FAM13C: variants seen among roughly 807,000 people sequenced by gnomAD.
FAM13C encodes the protein family with sequence similarity 13 member C.
A neutral mutation model predicts 73.2 loss-of-function variants in FAM13C; 37 were observed. That is an observed-to-expected ratio of 0.51 (90% CI 0.39 to 0.67). FAM13C has a LOEUF of 0.67. Among genes scored for constraint, FAM13C ranks in the 30% least tolerant of loss-of-function variants. FAM13C has a pLI of 0.00. For missense variants in FAM13C, 589 were observed against 715.6 expected (o/e 0.82, Z 2.02); for synonymous variants, 246 against 260.9 (o/e 0.94, Z 0.55).
rs919375511 is a variant in FAM13C, at chr10:59,270,296, T to G, written c.593-187A>C. The G allele has an allele frequency of 1.3e-5, 8 of 619,878 alleles. No individual in the cohort carries two copies. In the African/African-American group the frequency reaches 1.3e-4, roughly 10 times the overall value. The allele number at this position is 619,878 out of a possible 1,614,324, so 38.4% of individuals were successfully genotyped here. On this transcript the variant is annotated intron_variant, in intron 6 of 13. Transcript: ENST00000618804. ...TCTCACAGAACCTGGACAGAAAATA[T>G]TACAAAGCTGTTAACAAAACAAAGG... is the stretch of plus-strand genomic sequence containing the variant.
intron 3 of FAM13C, among the ~76,000 whole-genome samples, chr10:59,332,183 A>C (rs1852079249): frequency 6.6e-6 from 1 of 152,150 alleles, no homozygotes; most frequent in South Asian, 2.1e-4. Flanking sequence ...AATAATGTAT[A>C]TATAGTAAGA....
chr10:59,322,978 AG>A (rs1850526146), intron 4 of FAM13C, among the ~76,000 whole-genome samples: 1 of 152,352 alleles, frequency 6.6e-6, no homozygotes, highest in African/African-American at 2.4e-5. Flanking sequence ...TGGATAGGGA[AG>A]CACCTTACCT....
At chr10:59,330,040 T>G (rs1764091150) in intron 3 of FAM13C, among the ~76,000 whole-genome samples, 1 of 152,208 alleles carries the variant, frequency 6.6e-6, no homozygotes, top group South Asian at 2.1e-4. Context: ...ATTGAGTATT[T>G]CCATTCACCA....
intron 10 of FAM13C, 117 bp from the exon 11 acceptor site, chr10:59,254,560 T>C: frequency 4.6e-6 from 2 of 437,778 alleles, no homozygotes. Flanking sequence ...GCAGCAGTTA[T>C]CATGAAAAGG....
chr10:59,263,304 T>C (rs1200172938), intron 9 of FAM13C, among the ~76,000 whole-genome samples: 1 of 152,210 alleles, frequency 6.6e-6, no homozygotes, highest in Non-Finnish European at 1.5e-5. Flanking sequence ...GGCATTTATA[T>C]TGATTTCTCA....
At chr10:59,249,964 C>T (rs764158039) in intron 13 of FAM13C, among the ~76,000 whole-genome samples, 21 of 152,176 alleles carry the variant, frequency 1.4e-4, no homozygotes, top group Non-Finnish European at 2.4e-4. Context: ...GGGAAGTTCT[C>T]AAACCCCTTA....
At chr10:59,274,665 C>A (rs546027618) in intron 6 of FAM13C, among the ~76,000 whole-genome samples, 1 of 152,210 alleles carries the variant, frequency 6.6e-6, no homozygotes, top group Non-Finnish European at 1.5e-5. Flanking sequence ...CCCAGATTCT[C>A]GTCCCAGTTT....
intron 2 of FAM13C, among the ~76,000 whole-genome samples, chr10:59,353,558 C>T (rs912963301): frequency 6.6e-6 from 1 of 152,048 alleles, no homozygotes; most frequent in African/African-American, 2.4e-5. Flanking sequence ...CTCAAGGACA[C>T]CTAAAGCCAA....
intron 3 of FAM13C, among the ~76,000 whole-genome samples, chr10:59,334,911 A>T (rs563665179): frequency 1.4e-4 from 22 of 152,322 alleles, no homozygotes; most frequent in East Asian, 5.8e-4. Context: ...ATAATAATTT[A>T]AAAAAGACTT....
chr10:59,267,916 C>A (rs1239659012), intron 8 of FAM13C, among the ~76,000 whole-genome samples: 2 of 152,154 alleles, frequency 1.3e-5, no homozygotes, highest in Non-Finnish European at 2.9e-5. Flanking sequence ...CACTGACCAT[C>A]AAGACACTTA....
chr10:59,266,325 G>A (rs1262459900), intron 8 of FAM13C, among the ~76,000 whole-genome samples: 1 of 152,144 alleles, frequency 6.6e-6, no homozygotes, highest in African/African-American at 2.4e-5. Flanking sequence ...TATATAAAAT[G>A]GTTACAGTAA....
chr10:59,343,714 G>A (rs1853824469), intron 3 of FAM13C, among the ~76,000 whole-genome samples: 1 of 152,178 alleles, frequency 6.6e-6, no homozygotes, highest in South Asian at 2.1e-4. Flanking sequence ...GACTACAACT[G>A]TTTCATTTAC....
At position 59,347,597 on chromosome 10, in the gene FAM13C, A is replaced by T. The variant is rs181190531; in HGVS notation, c.324+4673T>A. 3.1e-3 allele frequency among the ~76,000 whole-genome samples: 471 copies of T among 152,110 alleles called. 1 individual carries two copies. Among genetic ancestry groups the T allele is most frequent in the Non-Finnish European group, 4.7e-3 (323 of 68,004 alleles). ...GAATGTGCAATTTTGTTACATAGAT[A>T]TACACGTGCCTTGGTGTCTTGCTGC... On this transcript the variant is annotated intron_variant, in intron 3 of 13. Coordinates refer to ENST00000618804, the MANE Select transcript of FAM13C (RefSeq NM_198215.4).
intron 3 of FAM13C, among the ~76,000 whole-genome samples, chr10:59,341,232 A>G (rs889672490): frequency 1.3e-5 from 2 of 152,130 alleles, no homozygotes; most frequent in Admixed American, 1.3e-4. Flanking sequence ...TGGTTATTTC[A>G]TGTTACCTAC....
intron 13 of FAM13C, 173 bp downstream of exon 13, chr10:59,251,402 C>T (rs1205288033): frequency 3.1e-6 from 2 of 648,840 alleles, no homozygotes; most frequent in African/African-American, 3.6e-5. Flanking sequence ...CATGAAACAT[C>T]CCTAATACTG....
At chr10:59,255,346 G>C (rs560249661) in intron 10 of FAM13C, among the ~76,000 whole-genome samples, 1 of 152,226 alleles carries the variant, frequency 6.6e-6, no homozygotes, top group East Asian at 1.9e-4. Context: ...CCCCTCTGCT[G>C]TAAGACCCAT....
intron 5 of FAM13C, 114 bp from the exon 6 acceptor site, chr10:59,283,561 A>G (rs1845188520): frequency 2.0e-6 from 2 of 1,003,462 alleles, no homozygotes; most frequent in African/African-American, 1.6e-5. Flanking sequence ...CCTAACACAC[A>G]ACAGTGTGTC....
intron 5 of FAM13C, chr10:59,296,924 A>T (rs1846985406): frequency 6.6e-6 from 1 of 152,264 alleles, no homozygotes; most frequent in Non-Finnish European, 1.5e-5. Flanking sequence ...CTGTAGGGTC[A>T]ATTAACAGCA....
intron 4 of FAM13C, among the ~76,000 whole-genome samples, chr10:59,306,683 C>G (rs369788665): frequency 6.6e-6 from 1 of 152,128 alleles, no homozygotes; most frequent in South Asian, 2.1e-4. Flanking sequence ...CGAGACCAGC[C>G]TGGGCAACAC....
Sources: allele counts gnomAD v4.1 joint callset (sites outside exome capture counted in the v4.1 genomes callset), GRCh38; gene constraint gnomAD v4.1.1; transcripts MANE v1.5; gene names NCBI Gene and HGNC (gene_info 2026-07-23, HGNC 2026-07-21).